OR51B5: variants seen among roughly 807,000 people sequenced by gnomAD.
OR51B5 encodes the protein olfactory receptor 51B5.
For missense variants in OR51B5, 456 were observed against 374.6 expected (o/e 1.22, Z -1.79); for synonymous variants, 186 against 144.8 (o/e 1.28, Z -2.04).
chr11:5,476,629 T>C (rs1851310194), intron 1 of OR51B5, among the ~76,000 whole-genome samples: 1 of 152,232 alleles, frequency 6.6e-6, no homozygotes, highest in African/African-American at 2.4e-5. Flanking sequence ...GGACAAGAAC[T>C]GTAAGACTTT....
chr11:5,391,112 G>A (rs1051530299), intron 1 of OR51B5: 5 of 152,224 alleles, frequency 3.3e-5, no homozygotes, highest in Non-Finnish European at 4.4e-5. Flanking sequence ...ACAATGACAT[G>A]TAACGTGAGA....
intron 1 of OR51B5, among the ~76,000 whole-genome samples, chr11:5,491,402 T>C (rs550861287): frequency 1.3e-5 from 2 of 152,288 alleles, no homozygotes; most frequent in South Asian, 2.1e-4. Context: ...GGTAAATTCA[T>C]GCACAAGGAG....
intron 1 of OR51B5, among the ~76,000 whole-genome samples, chr11:5,488,371 G>A (rs1333872707): frequency 6.6e-6 from 1 of 152,170 alleles, no homozygotes; most frequent in African/African-American, 2.4e-5. Flanking sequence ...ATCCCATGAT[G>A]TGGATGGACT....
intron 1 of OR51B5, among the ~76,000 whole-genome samples, chr11:5,374,979 A>G (rs2133711091): frequency 6.6e-6 from 1 of 151,896 alleles, no homozygotes; most frequent in South Asian, 2.1e-4. Flanking sequence ...GGAAATACAG[A>G]GAACGCCACA....
At chr11:5,412,772 T>A (rs1589982036) in intron 1 of OR51B5, among the ~76,000 whole-genome samples, 1 of 151,736 alleles carries the variant, frequency 6.6e-6, no homozygotes, top group African/African-American at 2.4e-5. Flanking sequence ...CTTGCTTAGG[T>A]AAACAAAGCA....
At chr11:5,504,135 A>C (rs1846336858) in intron 1 of OR51B5, among the ~76,000 whole-genome samples, 2 of 152,228 alleles carry the variant, frequency 1.3e-5, no homozygotes, top group Non-Finnish European at 2.9e-5. Flanking sequence ...ATGAAGCCCT[A>C]AAACATATAG....
chr11:5,443,447 C>T (rs1017639467), intron 1 of OR51B5, among the ~76,000 whole-genome samples: 9 of 152,058 alleles, frequency 5.9e-5, no homozygotes, highest in Middle Eastern at 3.4e-3. Flanking sequence ...CCTCTCTTCC[C>T]CTAAACCCAC....
intron 1 of OR51B5, chr11:5,489,846 G>T (rs78430329): frequency 0.036 from 20,794 of 573,550 alleles, 483 homozygotes; most frequent in Admixed American, 0.056. Context: ...ATTTTCCTGA[G>T]GCTCCTTGGG....
intron 1 of OR51B5, among the ~76,000 whole-genome samples, chr11:5,464,682 A>G (rs1157079954): frequency 1.3e-5 from 2 of 152,038 alleles, no homozygotes; most frequent in African/African-American, 4.8e-5. Flanking sequence ...AATTCAGTCT[A>G]TCATTGTTGG....
intron 1 of OR51B5, among the ~76,000 whole-genome samples, chr11:5,358,355 C>G (rs1374565524): frequency 1.3e-5 from 2 of 152,150 alleles, no homozygotes; most frequent in Non-Finnish European, 2.9e-5. Context: ...TCAGAGAATA[C>G]TATAAACACC....
At chr11:5,416,236 C>A (rs993109468) in intron 1 of OR51B5, among the ~76,000 whole-genome samples, 5 of 138,024 alleles carry the variant, frequency 3.6e-5, no homozygotes, top group African/African-American at 1.3e-4. Flanking sequence ...ACCCTTCATG[C>A]TAAAAACTCT....
intron 1 of OR51B5, among the ~76,000 whole-genome samples, chr11:5,411,442 A>G (rs1294988372): frequency 6.7e-6 from 1 of 149,780 alleles, no homozygotes; most frequent in African/African-American, 2.4e-5. Context: ...CTAACAACAC[A>G]TATCTCAGGA....
At chr11:5,453,958 T>C (rs781462758) in intron 1 of OR51B5, 1 of 1,614,110 alleles carries the variant, frequency 6.2e-7, no homozygotes, top group Non-Finnish European at 8.5e-7. Context: ...ATCACCCTTT[T>C]CCCTCTTCCC....
At chr11:5,392,128 T>C (rs781149788) in intron 1 of OR51B5, 5 of 152,100 alleles carry the variant, frequency 3.3e-5, no homozygotes, top group Non-Finnish European at 7.4e-5. Context: ...TCTAAAAATA[T>C]GTATGTATGT....
At chr11:5,418,646 C>T (rs182214489) in intron 1 of OR51B5, among the ~76,000 whole-genome samples, 2 of 151,644 alleles carry the variant, frequency 1.3e-5, no homozygotes, top group East Asian at 2.0e-4. Context: ...CCAAACACCA[C>T]ATGTTCTCAT....
intron 1 of OR51B5, among the ~76,000 whole-genome samples, chr11:5,376,582 A>G (rs1849532264): frequency 6.6e-6 from 1 of 152,142 alleles, no homozygotes; most frequent in African/African-American, 2.4e-5. Context: ...TAATAAGAAA[A>G]GAGAGAAGAA....
intron 1 of OR51B5, among the ~76,000 whole-genome samples, chr11:5,385,963 T>C (rs963430047): frequency 1.3e-5 from 2 of 149,602 alleles, no homozygotes; most frequent in Admixed American, 1.3e-4. Flanking sequence ...TATCAATAAG[T>C]ATATATAAAT....
chr11:5,460,978 T>C (rs557723052), intron 1 of OR51B5, among the ~76,000 whole-genome samples: 1 of 152,298 alleles, frequency 6.6e-6, no homozygotes, highest in African/African-American at 2.4e-5. Context: ...CCCAGCTCAC[T>C]GGCAACAACA....
chr11:5,471,479 T>C (rs1851227560), intron 1 of OR51B5, among the ~76,000 whole-genome samples: 2 of 151,894 alleles, frequency 1.3e-5, no homozygotes, highest in African/African-American at 2.4e-5. Context: ...CTACTAAAAA[T>C]ATAAAAACTA....
Sources: gnomAD v4.1 joint callset for allele counts (sites outside exome capture counted in the v4.1 genomes callset) on GRCh38, gnomAD v4.1.1 for gene constraint, MANE v1.5 for transcripts, NCBI Gene and HGNC (gene_info 2026-07-23, HGNC 2026-07-21) for gene names.